The following PPIP5K2 variants were observed in gnomAD, a reference collection of about 807,000 sequenced individuals.
PPIP5K2 encodes diphosphoinositol pentakisphosphate kinase 2.
In PPIP5K2, 105 loss-of-function variants were observed where a neutral mutation model predicts 154.6. The observed-to-expected ratio is 0.68, with a 90% CI of 0.58 to 0.80. The LOEUF (loss-of-function observed/expected upper bound fraction) is 0.80, where lower values mean the gene tolerates loss of function less well. PPIP5K2 is among the 30% of genes least tolerant of loss of function. The probability of loss-of-function intolerance (pLI) is 0.00; values close to 1 mark genes in which losing one functional copy is unlikely to be tolerated. For synonymous variants in PPIP5K2, 480 were observed against 490.3 expected (o/e 0.98, Z 0.28); for missense variants, 992 against 1,504.6 (o/e 0.66, Z 5.64).
Position 103,201,950 on chromosome 5 carries a change from CAG to C in PPIP5K2, c.*319_*320del. ...GTCACAGCAGTAATGCTATGTACTG[CAG>C]AGTCTGATGAGCTGGCCTTTGTGCA... On this transcript the variant is annotated 3_prime_UTR_variant, in exon 31 of 31. Transcript: ENST00000358359. The C allele has an allele frequency of 4.8e-6, 1 of 209,070 alleles. No individual in the cohort carries two copies. The highest frequency in any genetic ancestry group is 9.5e-6 in the Non-Finnish European group (1 of 105,610). 13.0% of individuals were successfully genotyped at this position (209,070 alleles called of 1,614,324 possible). A position where few individuals can be genotyped will look rare whatever the true frequency, so the allele number is the denominator to read the frequency against.
chr5:103,178,075 C>G, intron 23 of PPIP5K2, 95 bp downstream of exon 23: 1 of 794,138 alleles, frequency 1.3e-6, no homozygotes, highest in Non-Finnish European at 2.1e-6. Context: ...ATAAATAATT[C>G]TTATTTTAAC....
chr5:103,207,968 A>C lies in PPIP5K2; in HGVS notation c.*6334A>C, dbSNP rs1276320339. On this transcript the variant is annotated 3_prime_UTR_variant, in exon 31 of 31. Transcript: ENST00000358359. Reference sequence around the variant, plus strand: ...ATTTTCAAGTATTACTTACCTTTATATGAGATAAATTTCTTTCTGGCTCAT... The same window carrying C: ...ATTTTCAAGTATTACTTACCTTTATCTGAGATAAATTTCTTTCTGGCTCAT... 2 of 151,928 alleles carry C rather than the reference A, an allele frequency of 1.3e-5. No individual in the cohort carries two copies. Among genetic ancestry groups the C allele is most frequent in the East Asian group, 3.9e-4 (2 of 5,188 alleles). The allele number at this position is 151,928 out of a possible 1,614,324, so 9.4% of individuals were successfully genotyped here. A position where few individuals can be genotyped will look rare whatever the true frequency, so the allele number is the denominator to read the frequency against.
intron 1 of PPIP5K2, among the ~76,000 whole-genome samples, chr5:103,129,061 G>A (rs1407510490): frequency 6.6e-6 from 1 of 152,058 alleles, no homozygotes; most frequent in Middle Eastern, 3.2e-3. Flanking sequence ...AATTTAATGT[G>A]TAGTCTTTTT....
intron 29 of PPIP5K2, among the ~76,000 whole-genome samples, chr5:103,191,648 A>C (rs1027253713): frequency 3.9e-5 from 6 of 152,108 alleles, no homozygotes; most frequent in Non-Finnish European, 5.9e-5. Context: ...TTTAGAAAAC[A>C]CTTTTATGGT....
chr5:103,140,670 T>C (rs1259383667), intron 5 of PPIP5K2, among the ~76,000 whole-genome samples: 2 of 150,520 alleles, frequency 1.3e-5, no homozygotes, highest in African/African-American at 4.9e-5. Context: ...ACCCCGTCTC[T>C]ACTAAAAATA....
chr5:103,176,479 A>G (rs782806579), intron 21 of PPIP5K2, among the ~76,000 whole-genome samples: 5 of 151,842 alleles, frequency 3.3e-5, no homozygotes, highest in Non-Finnish European at 5.9e-5. Context: ...GCATGTGCGC[A>G]CACACACACA....
intron 1 of PPIP5K2, among the ~76,000 whole-genome samples, chr5:103,122,399 C>T (rs34785): frequency 0.24 from 37,051 of 151,680 alleles, 5,117 homozygotes; most frequent in East Asian, 0.45. Context: ...TTTTGAATGG[C>T]GGATAGGAAC....
intron 17 of PPIP5K2, among the ~76,000 whole-genome samples, chr5:103,164,529 T>G (rs566806852): frequency 2.6e-5 from 4 of 152,224 alleles, no homozygotes; most frequent in Admixed American, 2.6e-4. Context: ...CTCTTTTGAC[T>G]GGAGTCATTT....
intron 29 of PPIP5K2, among the ~76,000 whole-genome samples, chr5:103,193,236 T>C (rs1486788087): frequency 3.3e-5 from 5 of 152,140 alleles, no homozygotes; most frequent in Non-Finnish European, 7.4e-5. Flanking sequence ...GTGCCAGTTA[T>C]GATGAAAGTT....
intron 17 of PPIP5K2, among the ~76,000 whole-genome samples, chr5:103,166,344 C>T (rs1797111379): frequency 6.6e-6 from 1 of 152,014 alleles, no homozygotes; most frequent in African/African-American, 2.4e-5. Context: ...CTGCTTATTC[C>T]TCTCAGACAA....
At chr5:103,194,832 T>G (rs550836761) in intron 29 of PPIP5K2, 68 bp from the exon 30 acceptor site, 1 of 1,511,280 alleles carries the variant, frequency 6.6e-7, no homozygotes, top group South Asian at 1.3e-5. Context: ...TATAAGAAAC[T>G]TTCTATGATG....
intron 21 of PPIP5K2, chr5:103,176,907 G>A: frequency 6.9e-7 from 1 of 1,450,754 alleles, no homozygotes; most frequent in Non-Finnish European, 9.3e-7. Context: ...TGGTGAAGGA[G>A]ATGGTAAGAT....
intron 21 of PPIP5K2, chr5:103,176,867 C>A: frequency 7.0e-7 from 1 of 1,420,120 alleles, no homozygotes; most frequent in Non-Finnish European, 9.5e-7. Context: ...TGTTTAAAGA[C>A]CAATGATTCT....
chr5:103,149,090 G>T, intron 7 of PPIP5K2, 62 bp from the exon 8 acceptor site: 3 of 1,186,676 alleles, frequency 2.5e-6, no homozygotes, highest in African/African-American at 1.6e-5. Flanking sequence ...GTTGTCTGTT[G>T]GTTACACACA....
Position 103,154,889 on chromosome 5 carries a change from C to G in PPIP5K2, c.1349C>G (p.Ser450Cys), listed in dbSNP as rs371878271. The change falls in exon 13 of 31, where the codon TCT becomes TGT. Residue 450 changes from serine to cysteine, a missense_variant. Ser to Cys is a moderately radical substitution (Grantham distance 112). This residue lies in a region of PPIP5K2 where 163 missense variants were observed against 285.2 expected (regional missense o/e 0.57). Coordinates refer to ENST00000358359, the MANE Select transcript of PPIP5K2 (RefSeq NM_001276277.3). The part of the protein sequence containing the change: ...LLMELGQNND[S>C]EIEENKPKLE... ...ATGGAGCTAGGGCAAAATAATGATT[C>G]TGAAATTGAAGAAAACAAGCCAAAA... is the stretch of plus-strand genomic sequence containing the variant. The G allele has an allele frequency of 6.2e-7, 1 of 1,605,836 alleles. No individual in the cohort carries two copies.
chr5:103,196,379 C>T (rs1802093688), intron 30 of PPIP5K2, among the ~76,000 whole-genome samples: 11 of 152,160 alleles, frequency 7.2e-5, no homozygotes, highest in Admixed American at 7.2e-4. Flanking sequence ...TTGAACCTTG[C>T]ACATTCCAAC....
intron 16 of PPIP5K2, 68 bp downstream of exon 16, chr5:103,158,641 G>A (rs1795776020): frequency 7.3e-7 from 1 of 1,364,244 alleles, no homozygotes; most frequent in East Asian, 2.5e-5. Flanking sequence ...AACATTTTTG[G>A]CTGGGCGCAG....
intron 16 of PPIP5K2, 29 bp from the exon 17 acceptor site, chr5:103,159,117 T>A: frequency 7.0e-7 from 1 of 1,422,596 alleles, no homozygotes. Context: ...ATTTTTTAAA[T>A]TCGTGTTTTC....
At chr5:103,137,987 C>G (rs1053071595) in intron 4 of PPIP5K2, among the ~76,000 whole-genome samples, 4 of 152,102 alleles carry the variant, frequency 2.6e-5, no homozygotes, top group Admixed American at 2.6e-4. Flanking sequence ...AAATTAGAAT[C>G]ACTTTTCTCT....
Sources: allele counts gnomAD v4.1 joint callset (sites outside exome capture counted in the v4.1 genomes callset), GRCh38; gene constraint gnomAD v4.1.1; regional missense constraint gnomAD v4.1.1; transcripts MANE v1.5; gene names NCBI Gene and HGNC (gene_info 2026-07-23, HGNC 2026-07-21).